The following ITGAD variants were observed in gnomAD, a reference collection of about 807,000 sequenced individuals.
The protein encoded by ITGAD is integrin subunit alpha D, also known as integrin alpha-D.
Under a neutral mutation model 139.0 loss-of-function variants are expected in ITGAD, and 105 were observed. The ratio of observed to expected loss-of-function variants is 0.76; its 90% CI spans 0.65 to 0.89. The LOEUF is 0.89. Among genes scored for constraint, ITGAD ranks in the 40% least tolerant of loss-of-function variants. The pLI, the probability that ITGAD is intolerant of heterozygous loss-of-function variation, is 0.00. For missense variants in ITGAD, 1,384 were observed against 1,487.3 expected (o/e 0.93, Z 1.14); for synonymous variants, 569 against 598.3 (o/e 0.95, Z 0.71).
In ITGAD at chr16:31,403,712, C is replaced by A; in HGVS notation, c.704+67C>A. ...CCCACTTCCTAACCCTGGGTCAGCA[C>A]AGCTCTTCTCAGAGGCTGAGGGAGG... On this transcript the variant is annotated intron_variant, in intron 7 of 29. Transcript: ENST00000389202. The surrounding 1 kb of genome is among the most constrained non-coding windows in gnomAD (Gnocchi z 4.4). 2 of 1,581,530 alleles carry A rather than the reference C, an allele frequency of 1.3e-6. No individual in the cohort carries two copies. Among genetic ancestry groups the A allele is most frequent in the Non-Finnish European group, 1.7e-6 (2 of 1,154,970 alleles).
At chr16:31,402,041 T>A (rs1289482070) in intron 5 of ITGAD, 74 bp from the exon 6 acceptor site, 1 of 1,541,208 alleles carries the variant, frequency 6.5e-7, no homozygotes, top group Non-Finnish European at 8.9e-7. Context: ...GCCCCCGGGC[T>A]CTGTTGAGCA....
At chr16:31,399,682 C>T (rs138879920) in intron 5 of ITGAD, among the ~76,000 whole-genome samples, 13 of 152,220 alleles carry the variant, frequency 8.5e-5, no homozygotes, top group African/African-American at 2.6e-4. Flanking sequence ...CACAGCCATC[C>T]GTGGAACTCA....
At chr16:31,419,824 A>G (rs1306607549) in intron 23 of ITGAD, among the ~76,000 whole-genome samples, 2 of 151,518 alleles carry the variant, frequency 1.3e-5, no homozygotes, top group South Asian at 2.1e-4. Flanking sequence ...AAAAAAAAAA[A>G]AAAAAAAGAA....
intron 5 of ITGAD, among the ~76,000 whole-genome samples, chr16:31,401,280 A>G (rs928015670): frequency 6.6e-6 from 1 of 151,986 alleles, no homozygotes; most frequent in African/African-American, 2.4e-5. Context: ...AAATGAAAAA[A>G]CCAGAGGCCT....
chr16:31,424,010 C>G, intron 27 of ITGAD, 52 bp downstream of exon 27: 1 of 1,607,976 alleles, frequency 6.2e-7, no homozygotes, highest in South Asian at 1.1e-5. Flanking sequence ...CAGGACCTGG[C>G]ATGTCTGTGC....
At chr16:31,393,814 A>T (rs1394089714) in intron 1 of ITGAD, among the ~76,000 whole-genome samples, 1 of 152,108 alleles carries the variant, frequency 6.6e-6, no homozygotes, top group Non-Finnish European at 1.5e-5. Flanking sequence ...AAACTGCATC[A>T]GAGTCACATT....
At chr16:31,400,644 G>C (rs370746425) in intron 5 of ITGAD, among the ~76,000 whole-genome samples, 1 of 152,036 alleles carries the variant, frequency 6.6e-6, no homozygotes, top group East Asian at 1.9e-4. Context: ...TCACTCTGTC[G>C]CCCAGGCTGG....
intron 5 of ITGAD, among the ~76,000 whole-genome samples, chr16:31,400,915 C>A (rs530113121): frequency 5.3e-5 from 8 of 152,236 alleles, no homozygotes; most frequent in African/African-American, 1.4e-4. Context: ...TGGGAATATT[C>A]TTGGGCACCG....
chr16:31,397,315 C>T (rs1293298426), intron 2 of ITGAD, 44 bp from the exon 3 acceptor site: 1 of 1,370,738 alleles, frequency 7.3e-7, no homozygotes, highest in African/African-American at 1.4e-5. Flanking sequence ...GCTGCTCCCA[C>T]CCCTCCTGTG....
chr16:31,423,211 T>C lies in ITGAD; in HGVS notation c.2859+19T>C, dbSNP rs2082041495. On this transcript the variant is annotated intron_variant, in intron 24 of 29. Coordinates refer to ENST00000389202, the MANE Select transcript of ITGAD (RefSeq NM_005353.3). Reference sequence around the variant, plus strand: ...ATACCGTGTGAGAGTCTAGGGAGTATCCATGTCTGCCTTCCACGTTGTGGA... The same window carrying C: ...ATACCGTGTGAGAGTCTAGGGAGTACCCATGTCTGCCTTCCACGTTGTGGA... 1.2e-6 allele frequency: 2 copies of C among 1,609,786 alleles called. No individual in the cohort carries two copies. Among genetic ancestry groups the C allele is most frequent in the African/African-American group, 1.3e-5 (1 of 74,936 alleles).
chr16:31,397,691 GGGGGTGGGGT>G, intron 4 of ITGAD, 25 bp downstream of exon 4: 5 of 1,541,468 alleles, frequency 3.2e-6, no homozygotes, highest in South Asian at 1.2e-5. Context: ...TGGGCCACGG[GGGGGTGGGGT>G]GGGGCGGGGG....
intron 23 of ITGAD, among the ~76,000 whole-genome samples, chr16:31,419,585 C>T (rs149845592): frequency 0.012 from 1,755 of 151,968 alleles, 32 homozygotes; most frequent in African/African-American, 0.04. Context: ...CTGAGGCAGG[C>T]GGATCACCTG....
At position 31,400,861 on chromosome 16, in the gene ITGAD, G is replaced by A. The variant is rs187562614; in HGVS notation, c.428-1254G>A. ...CCTCAAGTAATCCGCCCACCTCAGC[G>A]TCCCAAAGTGCTAGGATTACAGGCG... is the stretch of plus-strand genomic sequence containing the variant. On this transcript the variant is annotated intron_variant, in intron 5 of 29. Coordinates refer to ENST00000389202, the MANE Select transcript of ITGAD (RefSeq NM_005353.3). Among the ~76,000 whole-genome samples the A allele has an allele frequency of 6.7e-4, 102 of 152,168 alleles. 1 individual carries two copies. Among genetic ancestry groups the A allele is most frequent in the Admixed American group, 1.2e-3 (19 of 15,292 alleles).
chr16:31,406,230 A>G (rs2081538000), intron 7 of ITGAD, among the ~76,000 whole-genome samples: 1 of 152,026 alleles, frequency 6.6e-6, no homozygotes. Flanking sequence ...ACGCGCCACC[A>G]TACCTGGCTA....
chr16:31,399,162 G>A (rs896215019), intron 5 of ITGAD, among the ~76,000 whole-genome samples: 13 of 152,220 alleles, frequency 8.5e-5, no homozygotes, highest in African/African-American at 2.4e-4. Flanking sequence ...TGTTTTCCAT[G>A]GGCACCAGGC....
chr16:31,420,244 G>T (rs2081982150), intron 23 of ITGAD, among the ~76,000 whole-genome samples: 1 of 152,152 alleles, frequency 6.6e-6, no homozygotes, highest in Non-Finnish European at 1.5e-5. Flanking sequence ...TAAGAGCCTG[G>T]CCAAGGCAGC....
intron 14 of ITGAD, 112 bp downstream of exon 14, chr16:31,411,629 C>A: frequency 3.0e-6 from 3 of 986,656 alleles, no homozygotes; most frequent in Non-Finnish European, 4.7e-6. Context: ...AGTGGTTTGT[C>A]AGCTAAGCAC....
At chr16:31,418,454 C>A in intron 22 of ITGAD, 27 bp from the exon 23 acceptor site, 1 of 1,610,162 alleles carries the variant, frequency 6.2e-7, no homozygotes, top group Non-Finnish European at 8.5e-7. Flanking sequence ...GGATTCCTTC[C>A]CATTGGTCCC....
intron 26 of ITGAD, 42 bp downstream of exon 26, chr16:31,423,690 A>G (rs1255312029): frequency 3.2e-6 from 5 of 1,573,658 alleles, no homozygotes; most frequent in Non-Finnish European, 4.4e-6. Flanking sequence ...ATCAGCCCCC[A>G]CCGGGGATAC....
Sources: gnomAD v4.1 joint callset for allele counts (sites outside exome capture counted in the v4.1 genomes callset) on GRCh38, gnomAD v4.1.1 for gene constraint, Gnocchi (gnomAD v3.1) non-coding constraint, MANE v1.5 for transcripts, NCBI Gene and HGNC (gene_info 2026-07-23, HGNC 2026-07-21) for gene names.